PLCXD3: variants seen among roughly 807,000 people sequenced by gnomAD.
PLCXD3 encodes PI-PLC X domain-containing protein 3.
A neutral mutation model predicts 25.5 loss-of-function variants in PLCXD3; 19 were observed. The ratio of observed to expected loss-of-function variants is 0.75; its 90% confidence interval spans 0.52 to 1.09. The LOEUF is 1.09. Ranked by LOEUF, PLCXD3 falls within the 50% of genes least tolerant of loss-of-function variation. The pLI is 0.00. For missense variants in PLCXD3, 411 were observed against 388.1 expected (o/e 1.06, Z -0.50); for synonymous variants, 174 against 137.6 (o/e 1.26, Z -1.85).
intron 1 of PLCXD3, among the ~76,000 whole-genome samples, chr5:41,411,928 C>CTCCATATATATGTA (rs1327318803): frequency 5.8e-4 from 2 of 3,438 alleles, no homozygotes; most frequent in East Asian, 2.1e-3. Context: ...ATATATATAT[C>CTCCATATATATGTA]TCCATATATA....
chr5:41,413,451 T>C (rs1746612782), intron 1 of PLCXD3, among the ~76,000 whole-genome samples: 1 of 152,158 alleles, frequency 6.6e-6, no homozygotes, highest in South Asian at 2.1e-4. Context: ...GATGTAAAAA[T>C]AAATATGACT....
chr5:41,423,716 C>T (rs1236376848), intron 1 of PLCXD3, among the ~76,000 whole-genome samples: 5 of 152,014 alleles, frequency 3.3e-5, no homozygotes, highest in Non-Finnish European at 4.4e-5. Flanking sequence ...GAGGCCGAGG[C>T]GGACGGATCA....
At chr5:41,501,525 G>C (rs1436151810) in intron 1 of PLCXD3, among the ~76,000 whole-genome samples, 1 of 152,038 alleles carries the variant, frequency 6.6e-6, no homozygotes, top group African/African-American at 2.4e-5. Flanking sequence ...CTGGTTGCCA[G>C]AGGCTGGGAA....
In PLCXD3 at chr5:41,310,735, G is replaced by A. The variant is rs1743116113; in HGVS notation, c.*2882C>T. 1 of 152,618 alleles carries A rather than the reference G, an allele frequency of 6.6e-6. No homozygotes were observed. The highest frequency in any genetic ancestry group is 1.5e-5 in the Non-Finnish European group (1 of 68,076). 9.5% of individuals were successfully genotyped at this position (152,618 alleles called of 1,614,324 possible). ...TTAGTAAACTCCCCCTCTAGCTGGA[G>A]GACCCATGGTTCCCTTCTACCTCTT... On this transcript the variant is annotated 3_prime_UTR_variant, in exon 3 of 3. Transcript: ENST00000377801.
chr5:41,361,763 A>C (rs1381460965), intron 2 of PLCXD3, among the ~76,000 whole-genome samples: 1 of 152,256 alleles, frequency 6.6e-6, no homozygotes, highest in South Asian at 2.1e-4. Context: ...TATTTACCAC[A>C]TTAAAATAAA....
chr5:41,320,847 A>G (rs1471355166), intron 2 of PLCXD3, among the ~76,000 whole-genome samples: 1 of 152,238 alleles, frequency 6.6e-6, no homozygotes, highest in African/African-American at 2.4e-5. Flanking sequence ...AATGAAAACC[A>G]TATGATCATC....
intron 1 of PLCXD3, among the ~76,000 whole-genome samples, chr5:41,383,929 T>G (rs939661710): frequency 6.6e-6 from 1 of 152,074 alleles, no homozygotes; most frequent in Non-Finnish European, 1.5e-5. Context: ...TTTATGTATA[T>G]ATATCCATGT....
chr5:41,471,794 T>C (rs1748164844), intron 1 of PLCXD3, among the ~76,000 whole-genome samples: 1 of 28,172 alleles, frequency 3.5e-5, no homozygotes, highest in Non-Finnish European at 8.5e-5. Flanking sequence ...TCCCTTCCCT[T>C]CCCTTCCCTT....
At chr5:41,471,878 CTCCCT>C (rs1748172736) in intron 1 of PLCXD3, among the ~76,000 whole-genome samples, 1 of 2,182 alleles carries the variant, frequency 4.6e-4, no homozygotes, top group African/African-American at 1.2e-3. Context: ...TTCCCTTCCC[CTCCCT>C]TCCCCTCCCC....
At chr5:41,473,252 G>A (rs1386922247) in intron 1 of PLCXD3, among the ~76,000 whole-genome samples, 1 of 151,826 alleles carries the variant, frequency 6.6e-6, no homozygotes, top group Non-Finnish European at 1.5e-5. Flanking sequence ...AACATCTTGG[G>A]CCTTTAATGA....
intron 1 of PLCXD3, among the ~76,000 whole-genome samples, chr5:41,481,368 A>G (rs1244810763): frequency 1.3e-5 from 2 of 152,228 alleles, no homozygotes; most frequent in Non-Finnish European, 2.9e-5. Context: ...ATGCTATAAT[A>G]CATAAGCTAG....
intron 1 of PLCXD3, 74 bp downstream of exon 1, chr5:41,510,350 T>G (rs892828733): frequency 7.7e-7 from 1 of 1,304,268 alleles, no homozygotes; most frequent in Non-Finnish European, 1.1e-6. Context: ...AGTTACCACT[T>G]AGTGGCAGAT....
chr5:41,395,122 C>T (rs939921487), intron 1 of PLCXD3, among the ~76,000 whole-genome samples: 1 of 152,116 alleles, frequency 6.6e-6, no homozygotes, highest in Non-Finnish European at 1.5e-5. Flanking sequence ...TAATATCAAG[C>T]ATCTTCTCTG....
At chr5:41,438,543 G>A (rs912191904) in intron 1 of PLCXD3, among the ~76,000 whole-genome samples, 1 of 152,116 alleles carries the variant, frequency 6.6e-6, no homozygotes, top group Non-Finnish European at 1.5e-5. Context: ...GGTGTCCTGG[G>A]CTTCAATCTG....
intron 1 of PLCXD3, among the ~76,000 whole-genome samples, chr5:41,503,104 T>G (rs1479744353): frequency 6.6e-6 from 1 of 152,088 alleles, no homozygotes; most frequent in Non-Finnish European, 1.5e-5. Flanking sequence ...GCAGCATGGG[T>G]GTATAGCCTG....
intron 2 of PLCXD3, among the ~76,000 whole-genome samples, chr5:41,381,583 A>T (rs1012747081): frequency 6.6e-6 from 1 of 152,100 alleles, no homozygotes; most frequent in African/African-American, 2.4e-5. Flanking sequence ...GGCATGAAAC[A>T]GATTCTTTTT....
chr5:41,500,564 G>GCACA lies in PLCXD3; in HGVS notation c.103+9856_103+9859dup, dbSNP rs3046192. Among the ~76,000 whole-genome samples, 128 of 150,424 alleles carry GCACA rather than the reference G, an allele frequency of 8.5e-4. 1 individual carries two copies. The highest frequency in any genetic ancestry group is 4.2e-3 in the South Asian group (20 of 4,756). ...TATCCCCTAAACATATATATTATAT[G>GCACA]CACACACACACACACAAACACGCAA... On this transcript the variant is annotated intron_variant, in intron 1 of 2. Transcript: ENST00000377801.
chr5:41,488,703 G>C (rs887591147), intron 1 of PLCXD3, among the ~76,000 whole-genome samples: 1 of 146,594 alleles, frequency 6.8e-6, no homozygotes, highest in Admixed American at 6.7e-5. Flanking sequence ...TTTTTCATGT[G>C]GTTTTTGGCT....
intron 2 of PLCXD3, among the ~76,000 whole-genome samples, chr5:41,357,800 G>C (rs1231061912): frequency 6.6e-6 from 1 of 152,182 alleles, no homozygotes; most frequent in Non-Finnish European, 1.5e-5. Flanking sequence ...ATTAGTGTTA[G>C]AGAAAAACAA....
Sources: allele counts gnomAD v4.1 joint callset (sites outside exome capture counted in the v4.1 genomes callset), GRCh38; gene constraint gnomAD v4.1.1; transcripts MANE v1.5; gene names NCBI Gene and HGNC (gene_info 2026-07-23, HGNC 2026-07-21).